The following XPO6 variants were observed in gnomAD, a reference collection of about 807,000 sequenced individuals.
XPO6 encodes the protein exportin 6.
In XPO6, 3 loss-of-function variants were observed where a neutral mutation model predicts 130.0. That is an observed-to-expected ratio of 0.02 (90% confidence interval 0.01 to 0.06). The LOEUF (loss-of-function observed/expected upper bound fraction) is 0.06, where lower values mean the gene tolerates loss of function less well. Ranked by LOEUF, XPO6 falls within the 10% of genes least tolerant of loss-of-function variation. The pLI, the probability that XPO6 is intolerant of heterozygous loss-of-function variation, is 1.00. For synonymous variants in XPO6, 524 were observed against 548.9 expected (o/e 0.95, Z 0.63); for missense variants, 970 against 1,393.0 (o/e 0.70, Z 4.83).
At chr16:28,107,150 T>C (rs1015838429) in intron 18 of XPO6, among the ~76,000 whole-genome samples, 1 of 152,214 alleles carries the variant, frequency 6.6e-6, no homozygotes, top group African/African-American at 2.4e-5. Flanking sequence ...AATGCTGTCA[T>C]GAGAGCTAGG....
In XPO6 at chr16:28,211,491, C is replaced by G. The variant is rs1260343913; in HGVS notation, c.-123G>C. 18 of 1,161,274 alleles carry G rather than the reference C, an allele frequency of 1.6e-5. No individual in the cohort carries two copies. The Admixed American group carries it at 7.2e-4, about 47-fold the overall frequency. The allele number at this position is 1,161,274 out of a possible 1,614,324, so 71.9% of individuals were successfully genotyped here. ...GTCCCCCACCCATGCAAAGACAACC[C>G]CTTCCCCACCGGGCCCCGAGGGGAC... On this transcript the variant is annotated 5_prime_UTR_variant, in exon 1 of 24. Transcript: ENST00000304658.
At chr16:28,098,673 A>T (rs1264360633) in intron 23 of XPO6, 34 bp from the exon 24 acceptor site, 1 of 1,534,152 alleles carries the variant, frequency 6.5e-7, no homozygotes, top group Non-Finnish European at 9.0e-7. Flanking sequence ...AGCCAACAAC[A>T]CACCAGGTCA....
At chr16:28,161,558 T>C (rs1408777786) in intron 6 of XPO6, among the ~76,000 whole-genome samples, 1 of 151,648 alleles carries the variant, frequency 6.6e-6, no homozygotes, top group Non-Finnish European at 1.5e-5. Context: ...TTTTCCAGAA[T>C]GGATGCTAAA....
chr16:28,129,832 T>C (rs936796425), intron 12 of XPO6, among the ~76,000 whole-genome samples: 3 of 152,180 alleles, frequency 2.0e-5, no homozygotes, highest in Non-Finnish European at 4.4e-5. Flanking sequence ...GTTAAAGGGT[T>C]ACTTAGAGGA....
In XPO6 at chr16:28,125,933, A is replaced by G. The variant is rs1203296221; in HGVS notation, c.1607-85T>C. ...TAACAGCTGGTCCAGCAAGCCACAC[A>G]CAGCAAAACCAGCAGCAAAACCAAT... On this transcript the variant is annotated intron_variant, in intron 12 of 23. Coordinates refer to ENST00000304658, the MANE Select transcript of XPO6 (RefSeq NM_015171.4). 3 of 1,512,964 alleles carry G rather than the reference A, an allele frequency of 2.0e-6. No individual in the cohort carries two copies. The Admixed American group carries it at 5.8e-5, about 29-fold the overall frequency. 93.7% of individuals were successfully genotyped at this position (1,512,964 alleles called of 1,614,324 possible). A position where few individuals can be genotyped will look rare whatever the true frequency, so the allele number is the denominator to read the frequency against.
intron 9 of XPO6, among the ~76,000 whole-genome samples, chr16:28,138,505 C>A (rs564226810): frequency 1.1e-4 from 17 of 152,134 alleles, no homozygotes; most frequent in South Asian, 4.2e-4. Flanking sequence ...CAAGTAGGAA[C>A]CAGGCAAACA....
At chr16:28,169,321 G>A (rs1307725665) in intron 5 of XPO6, among the ~76,000 whole-genome samples, 1 of 152,164 alleles carries the variant, frequency 6.6e-6, no homozygotes, top group Non-Finnish European at 1.5e-5. Flanking sequence ...ACAACCTAGT[G>A]CACAAGGGGC....
intron 6 of XPO6, among the ~76,000 whole-genome samples, chr16:28,166,024 A>C (rs1006732648): frequency 6.6e-6 from 1 of 151,956 alleles, no homozygotes; most frequent in Middle Eastern, 3.4e-3. Context: ...CTCTTAACCA[A>C]TGTTGATTCA....
chr16:28,192,492 C>A (rs1216804055), intron 1 of XPO6, among the ~76,000 whole-genome samples: 1 of 152,094 alleles, frequency 6.6e-6, no homozygotes, highest in Non-Finnish European at 1.5e-5. Flanking sequence ...CCACCCGCCT[C>A]CAGACCTAGG....
chr16:28,197,536 A>G (rs551128413), intron 1 of XPO6, among the ~76,000 whole-genome samples: 2 of 152,290 alleles, frequency 1.3e-5, no homozygotes, highest in African/African-American at 2.4e-5. Flanking sequence ...AGATTACCCA[A>G]CGCTGATGAG....
At chr16:28,119,560 G>A (rs374490979) in intron 14 of XPO6, among the ~76,000 whole-genome samples, 4 of 151,844 alleles carry the variant, frequency 2.6e-5, no homozygotes, top group East Asian at 3.9e-4. Context: ...ACACACACAC[G>A]CACATGCAGA....
intron 8 of XPO6, among the ~76,000 whole-genome samples, chr16:28,147,552 C>G (rs781368821): frequency 1.3e-5 from 2 of 152,144 alleles, no homozygotes; most frequent in Non-Finnish European, 2.9e-5. Flanking sequence ...ACAAAATGAC[C>G]AAGTCCTGTC....
rs2086572811 is a variant in XPO6, at chr16:28,098,068, CG to C, written c.*469del. On this transcript the variant is annotated 3_prime_UTR_variant, in exon 24 of 24. Transcript: ENST00000304658. The stretch of plus-strand genomic sequence containing the variant: ...TGGAATGATGAGAAAACAACAAAAA[CG>C]TGAGTCTTTGCAAATCTCTGACAAA... The C allele has an allele frequency of 6.5e-6, 1 of 154,324 alleles. No homozygotes were observed. The highest frequency in any genetic ancestry group is 2.4e-5 in the African/African-American group (1 of 41,522). 9.6% of individuals were successfully genotyped at this position (154,324 alleles called of 1,614,324 possible).
In XPO6 at chr16:28,101,921, G is replaced by T; in HGVS notation, c.2971C>A (p.Pro991Thr). The T allele has an allele frequency of 1.2e-6, 2 of 1,614,056 alleles. No individual in the cohort carries two copies. The highest frequency in any genetic ancestry group is 1.7e-6 in the Non-Finnish European group (2 of 1,180,004). Residue 991 changes from proline to threonine, a missense_variant, in exon 22 of 24, where the codon CCC becomes ACC. Physicochemically the swap from Pro to Thr is conservative, Grantham distance 38. Around this residue, in one of 4 missense-constraint regions of XPO6, gnomAD observed 936 missense variants for 1,306.8 expected, o/e 0.72. Coordinates refer to ENST00000304658, the MANE Select transcript of XPO6 (RefSeq NM_015171.4). The surrounding 1 kb of genome is among the most constrained non-coding windows in gnomAD (Gnocchi z 5.4). ...TTTTGTTTAAAAAGGTGGATGTCGG[G>T]CTGGAGAAAGGACTGTCCGAAAGCC... ...MQAFGQSFLQ[P>T]DIHLFKQNLF...
intron 20 of XPO6, chr16:28,105,842 C>T: frequency 1.3e-6 from 1 of 761,796 alleles, no homozygotes; most frequent in Non-Finnish European, 2.0e-6. Flanking sequence ...CATGCTTACA[C>T]TAGACTAGCT....
At chr16:28,147,448 A>AAAAG (rs1323043510) in intron 8 of XPO6, among the ~76,000 whole-genome samples, 1 of 148,982 alleles carries the variant, frequency 6.7e-6, no homozygotes. Flanking sequence ...AAAAAGAAAG[A>AAAAG]AAAAAGAAAA....
At chr16:28,201,222 G>A (rs1245388819) in intron 1 of XPO6, among the ~76,000 whole-genome samples, 1 of 152,100 alleles carries the variant, frequency 6.6e-6, no homozygotes, top group Admixed American at 6.6e-5. Flanking sequence ...CTGGTTGCAT[G>A]GATTTTGGAA....
Position 28,187,850 on chromosome 16 carries a change from A to G in XPO6, c.4-6819T>C, listed in dbSNP as rs115925978. ...ATTGAAGATACATGTGACTCTTTAC[A>G]TTTTCCCCTTTAAGGGTTCTGACCA... On this transcript the variant is annotated intron_variant, in intron 1 of 23. Transcript: ENST00000304658. 4.4e-3 allele frequency among the ~76,000 whole-genome samples: 676 copies of G among 152,020 alleles called. 6 individuals are homozygous for G. The highest frequency in any genetic ancestry group is 0.016 in the African/African-American group (656 of 41,426).
intron 11 of XPO6, 90 bp downstream of exon 11, chr16:28,133,751 G>A (rs1248612923): frequency 2.1e-6 from 2 of 972,664 alleles, no homozygotes; most frequent in Non-Finnish European, 1.5e-6. Context: ...GGAAAGAGGG[G>A]AGAGAGAGAG....
Sources: allele counts gnomAD v4.1 joint callset (sites outside exome capture counted in the v4.1 genomes callset), GRCh38; gene constraint gnomAD v4.1.1; regional missense constraint gnomAD v4.1.1; non-coding constraint Gnocchi (gnomAD v3.1); transcripts MANE v1.5; gene names NCBI Gene and HGNC (gene_info 2026-07-23, HGNC 2026-07-21).